The following HOXC4 variants were observed in gnomAD, a reference collection of about 807,000 sequenced individuals.
The protein encoded by HOXC4 is homeobox C4, also known as homeobox protein Hox-C4.
A neutral mutation model predicts 25.5 loss-of-function variants in HOXC4; 15 were observed. That is an observed-to-expected ratio of 0.59 (90% CI 0.39 to 0.91). HOXC4 has a LOEUF of 0.91. HOXC4 is among the 40% of genes least tolerant of loss of function. The pLI is 0.00. For missense variants in HOXC4, 342 were observed against 352.4 expected, an observed-to-expected ratio of 0.97 and a Z score of 0.24; for synonymous variants, 165 against 148.0, an observed-to-expected ratio of 1.11 and a Z score of -0.83.
At chr12:54,034,371 G>T (rs781526097) in intron 1 of HOXC4, 1 of 1,614,160 alleles carries the variant, frequency 6.2e-7, no homozygotes, top group Admixed American at 1.7e-5. Context: ...CTCACTCGCC[G>T]CAGGCGCATA....
chr12:54,026,073 G>C (rs962868773), intron 1 of HOXC4, among the ~76,000 whole-genome samples: 6 of 152,104 alleles, frequency 3.9e-5, no homozygotes, highest in African/African-American at 1.2e-4. Flanking sequence ...TATCTTGAAG[G>C]AAATATCACT....
intron 1 of HOXC4, chr12:54,028,843 CA>C (rs776708657): frequency 6.2e-7 from 1 of 1,614,144 alleles, no homozygotes; most frequent in East Asian, 2.2e-5. Context: ...TAGTTCTGAG[CA>C]GGGCAGGACT....
chr12:54,033,763 T>C (rs989659131), intron 1 of HOXC4, among the ~76,000 whole-genome samples: 10 of 152,064 alleles, frequency 6.6e-5, no homozygotes, highest in African/African-American at 2.4e-4. Flanking sequence ...AATTGGATCA[T>C]AGGAACAAAA....
intron 1 of HOXC4, among the ~76,000 whole-genome samples, chr12:54,044,844 A>G (rs992619449): frequency 1.3e-5 from 2 of 152,052 alleles, no homozygotes; most frequent in African/African-American, 4.8e-5. Flanking sequence ...CCTCCTAAGG[A>G]TCCCCCACCC....
intron 1 of HOXC4, among the ~76,000 whole-genome samples, chr12:54,042,265 A>G (rs1187152832): frequency 1.3e-5 from 2 of 152,236 alleles, no homozygotes; most frequent in African/African-American, 4.8e-5. Context: ...GGCATGAGCC[A>G]CCGTGGCCAG....
chr12:54,038,434 C>A (rs1478579175), intron 1 of HOXC4, among the ~76,000 whole-genome samples: 1 of 152,194 alleles, frequency 6.6e-6, no homozygotes, highest in Non-Finnish European at 1.5e-5. Flanking sequence ...GAGTTCAGCC[C>A]TTGGCCAGTG....
At chr12:54,051,605 G>A (rs1375044025), upstream of HOXC4, among the ~76,000 whole-genome samples, 1 of 152,224 alleles carries the variant, frequency 6.6e-6, no homozygotes. Flanking sequence ...TCCATTAGAG[G>A]TGTTCAGCCT....
intron 1 of HOXC4, 98 bp from the exon 2 acceptor site, chr12:54,054,752 C>A (rs1937934579): frequency 2.6e-6 from 2 of 774,146 alleles, no homozygotes; most frequent in South Asian, 3.6e-5. Flanking sequence ...TTCCACCACT[C>A]CCTCCTCCTG....
At chr12:54,035,720 C>A (rs968823499) in intron 1 of HOXC4, among the ~76,000 whole-genome samples, 2 of 152,184 alleles carry the variant, frequency 1.3e-5, no homozygotes, top group African/African-American at 2.4e-5. Flanking sequence ...AGCCTTAGGA[C>A]CTTCTGGGCC....
intron 1 of HOXC4, among the ~76,000 whole-genome samples, chr12:54,045,514 C>T (rs958112558): frequency 1.3e-5 from 2 of 152,172 alleles, no homozygotes; most frequent in Admixed American, 6.5e-5. Context: ...TGCAAGGATC[C>T]TAACCCATAA....
chr12:54,039,287 C>T (rs967067231), intron 1 of HOXC4, among the ~76,000 whole-genome samples: 3 of 152,120 alleles, frequency 2.0e-5, no homozygotes, highest in African/African-American at 7.2e-5. Flanking sequence ...GGAGGGAATG[C>T]TGTTAGCCTC....
chr12:54,028,246 C>CATAT (rs147627891), intron 1 of HOXC4: 1,610 of 149,350 alleles, frequency 0.011, 8 homozygotes, highest in South Asian at 0.017. Context: ...AGTTCCCTTA[C>CATAT]ATATATATAT....
intron 1 of HOXC4, chr12:54,034,947 C>T (rs1393147845): frequency 9.9e-5 from 19 of 191,244 alleles, no homozygotes; most frequent in Non-Finnish European, 2.1e-4. Context: ...CAAAGGCTGG[C>T]GAGAGTCTGG....
chr12:54,019,595 G>A (rs934016970), intron 1 of HOXC4, among the ~76,000 whole-genome samples: 1 of 152,086 alleles, frequency 6.6e-6, no homozygotes, highest in African/African-American at 2.4e-5. Context: ...TCCTTTGTCC[G>A]TCCCCGAAAG....
At chr12:54,018,033 G>C (rs1015656997) in intron 1 of HOXC4, among the ~76,000 whole-genome samples, 52 of 152,328 alleles carry the variant, frequency 3.4e-4, no homozygotes, top group African/African-American at 7.5e-4. Flanking sequence ...TGGCAATTAG[G>C]GGGGAGGCTG....
intron 1 of HOXC4, chr12:54,029,634 G>C (rs1940904245): frequency 6.2e-7 from 1 of 1,606,038 alleles, no homozygotes; most frequent in South Asian, 1.1e-5. Flanking sequence ...CTTTTAGTGT[G>C]TTTTGTGCCC....
intron 1 of HOXC4, among the ~76,000 whole-genome samples, chr12:54,018,556 C>T (rs1182189900): frequency 6.6e-6 from 1 of 152,220 alleles, no homozygotes; most frequent in African/African-American, 2.4e-5. Flanking sequence ...TAGTCTTAAC[C>T]CGACGCATAT....
At chr12:54,048,901 C>T (rs1937781004), upstream of HOXC4, among the ~76,000 whole-genome samples, 2 of 152,208 alleles carry the variant, frequency 1.3e-5, no homozygotes, top group South Asian at 4.1e-4. Flanking sequence ...AAAAGTCCCC[C>T]TCCCCAGCAA....
chr12:54,028,265 ATATT>A (rs869087209), intron 1 of HOXC4: 5 of 71,356 alleles, frequency 7.0e-5, no homozygotes, highest in South Asian at 3.1e-4. Context: ...ATATATATAT[ATATT>A]TTTTAAAAGA....
Sources: allele counts gnomAD v4.1 joint callset (sites outside exome capture counted in the v4.1 genomes callset), GRCh38; gene constraint gnomAD v4.1.1; transcripts MANE v1.5; gene names NCBI Gene and HGNC (gene_info 2026-07-23, HGNC 2026-07-21).